Variants in BICDL1 observed in about 807,000 individuals in gnomAD.
BICDL1 encodes the protein BICD family-like cargo adapter 1.
BICDL1 carries 20 observed loss-of-function variants against 76.8 expected under a neutral mutation model. The ratio of observed to expected loss-of-function variants is 0.26; its 90% CI spans 0.18 to 0.38. The LOEUF (loss-of-function observed/expected upper bound fraction) is 0.38. Ranked by LOEUF, BICDL1 falls within the 10% of genes least tolerant of loss-of-function variation. BICDL1 has a pLI of 1.00. For missense variants in BICDL1, 700 were observed against 798.6 expected, an observed-to-expected ratio of 0.88 and a Z score of 1.49; for synonymous variants, 383 against 337.1, an observed-to-expected ratio of 1.14 and a Z score of -1.49.
intron 2 of BICDL1, among the ~76,000 whole-genome samples, chr12:120,033,841 CTT>C (rs1367015033): frequency 6.6e-6 from 1 of 152,156 alleles, no homozygotes; most frequent in African/African-American, 2.4e-5. Flanking sequence ...AAGATGTGCA[CTT>C]CTGATGTATT....
At chr12:120,050,214 T>C (rs1167442965) in intron 2 of BICDL1, among the ~76,000 whole-genome samples, 2 of 152,040 alleles carry the variant, frequency 1.3e-5, no homozygotes, top group Admixed American at 1.3e-4. Flanking sequence ...ATATGTGTTA[T>C]AAACATTTTC....
intron 2 of BICDL1, among the ~76,000 whole-genome samples, chr12:120,023,721 C>G (rs1380966282): frequency 6.7e-6 from 1 of 149,704 alleles, no homozygotes; most frequent in African/African-American, 2.5e-5. Flanking sequence ...GCCTGGGAGG[C>G]AGAGGTTGCA....
chr12:120,034,448 C>CATCT (rs1314765512), intron 2 of BICDL1, among the ~76,000 whole-genome samples: 1 of 152,186 alleles, frequency 6.6e-6, no homozygotes, highest in Non-Finnish European at 1.5e-5. Flanking sequence ...TGAACAGAGG[C>CATCT]ATCTGGTCTT....
At chr12:120,030,333 G>A (rs1190391533) in intron 2 of BICDL1, among the ~76,000 whole-genome samples, 1 of 152,198 alleles carries the variant, frequency 6.6e-6, no homozygotes, top group Non-Finnish European at 1.5e-5. Context: ...CCATGATTTA[G>A]AGGAAAGGTC....
intron 2 of BICDL1, among the ~76,000 whole-genome samples, chr12:120,052,017 T>C (rs904468544): frequency 4.6e-5 from 7 of 152,098 alleles, no homozygotes; most frequent in Non-Finnish European, 8.8e-5. Context: ...CTCGGCTCAC[T>C]GCAACCTCTG....
rs113035743 is a variant in BICDL1, at chr12:120,060,462, GT to G, written c.646-1242del. The stretch of plus-strand genomic sequence containing the variant: ...ACTTCATGTAGCTCTGAACTTCTAA[GT>G]TTTTTAAGGAGTCAGTTGTATATCA... On this transcript the variant is annotated intron_variant, in intron 2 of 9. Coordinates refer to ENST00000548673, the MANE Select transcript of BICDL1 (RefSeq NM_001367886.1). Among the ~76,000 whole-genome samples, 169 of 152,232 alleles carry G rather than the reference GT, an allele frequency of 1.1e-3. 1 individual carries two copies. The highest frequency in any genetic ancestry group is 3.9e-3 in the African/African-American group (164 of 41,530).
intron 1 of BICDL1, among the ~76,000 whole-genome samples, chr12:119,991,122 G>A (rs1951513404): frequency 6.6e-6 from 1 of 152,028 alleles, no homozygotes; most frequent in South Asian, 2.1e-4. Context: ...CAGAATGCCA[G>A]CATTTCTAAA....
At chr12:120,006,942 T>C (rs1237539772) in intron 2 of BICDL1, among the ~76,000 whole-genome samples, 1 of 151,976 alleles carries the variant, frequency 6.6e-6, no homozygotes, top group East Asian at 1.9e-4. Flanking sequence ...TAGAGATGGA[T>C]GAAGAAGCGA....
intron 1 of BICDL1, among the ~76,000 whole-genome samples, chr12:119,994,495 CTCTT>C (rs979186205): frequency 2.0e-5 from 3 of 150,182 alleles, no homozygotes; most frequent in African/African-American, 7.4e-5. Context: ...TTTAAATAGA[CTCTT>C]TTTTTTTCGA....
chr12:119,999,968 A>G (rs1594095598), intron 2 of BICDL1: 2 of 233,230 alleles, frequency 8.6e-6, no homozygotes, highest in Middle Eastern at 4.6e-4. Context: ...AGCATTTCAT[A>G]AATTCCTGGA....
intron 2 of BICDL1, among the ~76,000 whole-genome samples, chr12:120,005,546 G>C (rs1325448386): frequency 1.3e-5 from 2 of 152,054 alleles, no homozygotes; most frequent in African/African-American, 4.8e-5. Flanking sequence ...CCCAATTTCT[G>C]TATTTTTAGT....
At chr12:120,049,723 T>C (rs1338362871) in intron 2 of BICDL1, among the ~76,000 whole-genome samples, 1 of 152,224 alleles carries the variant, frequency 6.6e-6, no homozygotes, top group Non-Finnish European at 1.5e-5. Context: ...TTTAAACATA[T>C]GGGGACTATA....
At chr12:120,076,461 A>G (rs1473389796) in intron 7 of BICDL1, among the ~76,000 whole-genome samples, 1 of 152,248 alleles carries the variant, frequency 6.6e-6, no homozygotes, top group African/African-American at 2.4e-5. Flanking sequence ...TTATAAAACT[A>G]GAACTCCACA....
chr12:120,064,643 T>C (rs1434046184), intron 3 of BICDL1, 90 bp from the exon 4 acceptor site: 2 of 1,313,416 alleles, frequency 1.5e-6, no homozygotes, highest in African/African-American at 1.5e-5. Context: ...TGAAAGATAC[T>C]TGCCTTCATG....
intron 4 of BICDL1, among the ~76,000 whole-genome samples, chr12:120,065,393 G>T (rs1292120014): frequency 6.6e-6 from 1 of 152,130 alleles, no homozygotes; most frequent in Non-Finnish European, 1.5e-5. Flanking sequence ...ACCCCTTTGT[G>T]AGCCTCATCA....
intron 2 of BICDL1, among the ~76,000 whole-genome samples, chr12:120,002,482 T>TAA (rs940171022): frequency 4.4e-4 from 67 of 152,290 alleles, no homozygotes; most frequent in African/African-American, 1.5e-3. Flanking sequence ...CAAAGATACA[T>TAA]AAGCCTTTGG....
chr12:120,001,700 T>A (rs1411758416), intron 2 of BICDL1, among the ~76,000 whole-genome samples: 2 of 152,224 alleles, frequency 1.3e-5, no homozygotes, highest in African/African-American at 4.8e-5. Context: ...TTCTCTTTAT[T>A]AATAACAGCT....
At chr12:120,068,554 G>A (rs1315648788) in intron 4 of BICDL1, among the ~76,000 whole-genome samples, 4 of 152,234 alleles carry the variant, frequency 2.6e-5, no homozygotes, top group South Asian at 2.1e-4. Context: ...GGTGGCTTAC[G>A]CCTGTAATCC....
At chr12:120,054,522 T>C (rs1365578433) in intron 2 of BICDL1, among the ~76,000 whole-genome samples, 1 of 152,188 alleles carries the variant, frequency 6.6e-6, no homozygotes, top group Admixed American at 6.5e-5. Flanking sequence ...AAATCCCACG[T>C]GCCTAATAAT....
Sources: allele counts gnomAD v4.1 joint callset (sites outside exome capture counted in the v4.1 genomes callset), GRCh38; gene constraint gnomAD v4.1.1; transcripts MANE v1.5; gene names NCBI Gene and HGNC (gene_info 2026-07-23, HGNC 2026-07-21).